The following ASIC2 variants were observed in gnomAD, a reference collection of about 807,000 sequenced individuals.
The protein encoded by ASIC2 is acid-sensing ion channel 2.
Under a neutral mutation model 57.3 loss-of-function variants are expected in ASIC2, and 25 were observed. That is an observed-to-expected ratio of 0.44 (90% confidence interval 0.32 to 0.61). ASIC2 has a LOEUF of 0.61. Among genes scored for constraint, ASIC2 ranks in the 20% least tolerant of loss-of-function variants. The pLI, the probability that ASIC2 is intolerant of heterozygous loss-of-function variation, is 0.06. For synonymous variants in ASIC2, 319 were observed against 307.5 expected (o/e 1.04, Z -0.39); for missense variants, 641 against 738.1 (o/e 0.87, Z 1.52).
intron 1 of ASIC2, among the ~76,000 whole-genome samples, chr17:33,162,302 G>C (rs1905185225): frequency 6.6e-6 from 1 of 152,136 alleles, no homozygotes; most frequent in South Asian, 2.1e-4. Flanking sequence ...GGTGAATAAG[G>C]GATGCTCAGA....
At chr17:33,623,549 G>A (rs1249843306) in intron 1 of ASIC2, 1 of 152,122 alleles carries the variant, frequency 6.6e-6, no homozygotes, top group Non-Finnish European at 1.5e-5. Context: ...TTACAGGTGT[G>A]GGACATCCTG....
chr17:33,577,740 G>A (rs911629683), intron 1 of ASIC2, among the ~76,000 whole-genome samples: 2 of 152,058 alleles, frequency 1.3e-5, no homozygotes, highest in African/African-American at 4.8e-5. Context: ...AGATATGACT[G>A]CTCAGCCTCA....
chr17:33,062,063 T>A (rs2092022974), intron 3 of ASIC2, among the ~76,000 whole-genome samples: 1 of 152,192 alleles, frequency 6.6e-6, no homozygotes, highest in African/African-American at 2.4e-5. Flanking sequence ...TTCTTCTTTA[T>A]TAGTCTTGCT....
chr17:33,740,000 A>AAGAG (rs1441829863), intron 1 of ASIC2, among the ~76,000 whole-genome samples: 79 of 151,254 alleles, frequency 5.2e-4, no homozygotes, highest in African/African-American at 1.8e-3. Flanking sequence ...GAAAGAAAGA[A>AAGAG]AAATAAAGAA....
intron 1 of ASIC2, among the ~76,000 whole-genome samples, chr17:33,863,505 T>G (rs1333936340): frequency 6.6e-6 from 1 of 152,190 alleles, no homozygotes; most frequent in Non-Finnish European, 1.5e-5. Flanking sequence ...TCTGGAAGCA[T>G]TAAGCAGAAC....
At chr17:33,981,768 T>C (rs762191833) in intron 1 of ASIC2, among the ~76,000 whole-genome samples, 1 of 152,126 alleles carries the variant, frequency 6.6e-6, no homozygotes, top group Non-Finnish European at 1.5e-5. Context: ...CTACATGCAT[T>C]ATCTTATTTA....
intron 6 of ASIC2, among the ~76,000 whole-genome samples, chr17:33,022,961 G>A (rs898226249): frequency 6.6e-6 from 1 of 152,128 alleles, no homozygotes; most frequent in East Asian, 1.9e-4. Context: ...TAGAGACAGG[G>A]TCTAACTACG....
chr17:33,876,062 A>G (rs1003279111), intron 1 of ASIC2, among the ~76,000 whole-genome samples: 1 of 152,218 alleles, frequency 6.6e-6, no homozygotes, highest in African/African-American at 2.4e-5. Flanking sequence ...ATATTATTCA[A>G]AGTACTTGGG....
chr17:33,588,846 A>G (rs1015476257), intron 1 of ASIC2, among the ~76,000 whole-genome samples: 15 of 152,242 alleles, frequency 9.9e-5, no homozygotes, highest in African/African-American at 3.1e-4. Context: ...GGGTATTGGC[A>G]TGTGTTAAGA....
intron 1 of ASIC2, among the ~76,000 whole-genome samples, chr17:33,225,145 T>C (rs774093877): frequency 1.3e-5 from 2 of 152,220 alleles, no homozygotes; most frequent in Non-Finnish European, 2.9e-5. Flanking sequence ...TTGATGGCTT[T>C]GATTCAGCAA....
intron 3 of ASIC2, among the ~76,000 whole-genome samples, chr17:33,049,793 C>G (rs1347614095): frequency 6.6e-6 from 1 of 152,186 alleles, no homozygotes; most frequent in Non-Finnish European, 1.5e-5. Context: ...TCTACCGCAG[C>G]ATTTTGCATA....
chr17:33,413,281 A>G (rs1225777929), intron 1 of ASIC2, among the ~76,000 whole-genome samples: 1 of 152,242 alleles, frequency 6.6e-6, no homozygotes, highest in Non-Finnish European at 1.5e-5. Context: ...TGGCCCATTG[A>G]CATTTCTATT....
At chr17:33,129,634 A>G (rs779317322) in intron 1 of ASIC2, among the ~76,000 whole-genome samples, 1 of 152,186 alleles carries the variant, frequency 6.6e-6, no homozygotes, top group Non-Finnish European at 1.5e-5. Flanking sequence ...ATACCTGGGA[A>G]CAATAACTTA....
In ASIC2 at chr17:33,483,571, T is replaced by A. The variant is rs930880985; in HGVS notation, c.556-371504A>T. 2.0e-5 allele frequency among the ~76,000 whole-genome samples: 3 copies of A among 152,332 alleles called. No individual in the cohort carries two copies. The East Asian group carries it at 5.8e-4, about 29-fold the overall frequency. On this transcript the variant is annotated intron_variant, in intron 1 of 9. Transcript: ENST00000359872. ...AGCTCATACACGTTACTAAACCTCTTTGGGTCCCTGTTGCCTCCTCTGCAC... is the reference window on the plus strand; with the variant it reads ...AGCTCATACACGTTACTAAACCTCTATGGGTCCCTGTTGCCTCCTCTGCAC...
intron 1 of ASIC2, among the ~76,000 whole-genome samples, chr17:34,127,904 C>T (rs1209863110): frequency 6.6e-6 from 1 of 152,130 alleles, no homozygotes; most frequent in African/African-American, 2.4e-5. Context: ...GGGCCTTGGG[C>T]AAAGGAGACT....
intron 1 of ASIC2, among the ~76,000 whole-genome samples, chr17:33,942,704 C>T (rs1916218919): frequency 1.3e-5 from 2 of 152,236 alleles, no homozygotes; most frequent in African/African-American, 4.8e-5. Flanking sequence ...CCTGACTTCA[C>T]ATTTTGCTAG....
intron 1 of ASIC2, among the ~76,000 whole-genome samples, chr17:33,156,923 T>C (rs1905022037): frequency 6.6e-6 from 1 of 152,170 alleles, no homozygotes; most frequent in Non-Finnish European, 1.5e-5. Flanking sequence ...TGGGAACCAC[T>C]GCCTGAGCCT....
intron 1 of ASIC2, among the ~76,000 whole-genome samples, chr17:34,000,436 A>G (rs957759064): frequency 6.6e-6 from 1 of 152,000 alleles, no homozygotes; most frequent in Non-Finnish European, 1.5e-5. Context: ...TATTTTTAGT[A>G]GAGATGGGGT....
At chr17:33,957,446 G>A (rs984265295) in intron 1 of ASIC2, among the ~76,000 whole-genome samples, 6 of 152,112 alleles carry the variant, frequency 3.9e-5, no homozygotes, top group Non-Finnish European at 7.3e-5. Flanking sequence ...GAGGTTTAAT[G>A]CACTCACAGT....
Sources: allele counts gnomAD v4.1 joint callset (sites outside exome capture counted in the v4.1 genomes callset), GRCh38; gene constraint gnomAD v4.1.1; transcripts MANE v1.5; gene names NCBI Gene and HGNC (gene_info 2026-07-23, HGNC 2026-07-21).